The following CHM variants were observed in gnomAD, a reference collection of about 807,000 sequenced individuals.
CHM encodes rab proteins geranylgeranyltransferase component A 1.
A neutral mutation model predicts 49.0 loss-of-function variants in CHM; 10 were observed. The ratio of observed to expected loss-of-function variants is 0.20; its 90% CI spans 0.13 to 0.35. The LOEUF is 0.35. Ranked by LOEUF, CHM falls within the 10% of genes least tolerant of loss-of-function variation. The pLI is 1.00. For synonymous variants in CHM, 184 were observed against 167.5 expected (o/e 1.10, Z -0.76); for missense variants, 455 against 478.4 (o/e 0.95, Z 0.46).
intron 4 of CHM, among the ~76,000 whole-genome samples, chrX:85,966,060 A>ACT (rs916818479): frequency 3.6e-5 from 4 of 111,795 alleles, no homozygotes; most frequent in African/African-American, 1.3e-4. Context: ...AAGATAAGAT[A>ACT]CTAATCAGGC....
chrX:85,953,915 G>T (rs922527435), intron 8 of CHM, among the ~76,000 whole-genome samples: 1 of 111,575 alleles, frequency 9.0e-6, no homozygotes, highest in Non-Finnish European at 1.9e-5. Flanking sequence ...AGCAAAAATG[G>T]ACAAACGGGA....
Position 85,924,591 on chromosome X carries a change from G to A in CHM, c.1167-13253C>T, listed in dbSNP as rs142530720. On this transcript the variant is annotated intron_variant, in intron 8 of 14. Coordinates refer to ENST00000357749, the MANE Select transcript of CHM (RefSeq NM_000390.4). ...CTACTATCTCTTGGCCATTCATCAAGATTACAACTTAATACTCTGGGTACT... is the reference window on the plus strand; with the variant it reads ...CTACTATCTCTTGGCCATTCATCAAAATTACAACTTAATACTCTGGGTACT... Among the ~76,000 whole-genome samples, 564 of 111,846 alleles carry A rather than the reference G, an allele frequency of 5.0e-3. 3 individuals are homozygous for A. Among genetic ancestry groups the A allele is most frequent in the African/African-American group, 0.017 (538 of 30,792 alleles).
At chrX:86,029,186 T>A (rs1933951068) in intron 1 of CHM, among the ~76,000 whole-genome samples, 1 of 112,091 alleles carries the variant, frequency 8.9e-6, no homozygotes, top group Non-Finnish European at 1.9e-5. Flanking sequence ...TAGATATAAT[T>A]CAAGTAAACA....
intron 2 of CHM, among the ~76,000 whole-genome samples, chrX:86,015,994 A>T (rs1933283241): frequency 1.8e-5 from 2 of 110,871 alleles, no homozygotes; most frequent in Non-Finnish European, 3.8e-5. Flanking sequence ...TTGGCCAGGC[A>T]TGGTGGCGGG....
rs184602063 is a variant in CHM, at chrX:85,874,234, G to A, written c.1610-1022C>T. Among the ~76,000 whole-genome samples, 143 of 111,572 alleles carry A rather than the reference G, an allele frequency of 1.3e-3. 1 individual carries two copies. The highest frequency in any genetic ancestry group is 4.5e-3 in the African/African-American group (138 of 30,779). On this transcript the variant is annotated intron_variant, in intron 13 of 14. Transcript: ENST00000357749. ...TTGCTAATTTGATAATCATTTATTT[G>A]CCTCTCTTCTTTAAAACTGTTATAA...
intron 1 of CHM, among the ~76,000 whole-genome samples, chrX:86,036,440 T>A (rs763246987): frequency 9.0e-6 from 1 of 111,527 alleles, no homozygotes; most frequent in South Asian, 3.8e-4. Flanking sequence ...GGACCAAATT[T>A]TATTGTGCAG....
intron 8 of CHM, among the ~76,000 whole-genome samples, chrX:85,925,597 A>G (rs1404221163): frequency 9.0e-6 from 1 of 111,378 alleles, no homozygotes; most frequent in Non-Finnish European, 1.9e-5. Context: ...TCTTTTGCTC[A>G]ATCTCCTTTC....
chrX:85,968,264 G>A, intron 4 of CHM, among the ~76,000 whole-genome samples: 1 of 112,080 alleles, frequency 8.9e-6, no homozygotes, highest in African/African-American at 3.2e-5. Context: ...GCTGCAATAT[G>A]ATACATTGGT....
Position 85,956,277 on chromosome X carries a change from C to G in CHM, c.1042G>C (p.Ala348Pro). 4 of 1,211,517 alleles carry G rather than the reference C, an allele frequency of 3.3e-6. No homozygotes were observed. Among genetic ancestry groups the G allele is most frequent in the Non-Finnish European group, 4.5e-6 (4 of 895,343 alleles). ...TTGAGACCATCTATGGTGCTGCTGG[C>G]TGTCTCTGATGTCATTGCAATTGAA... ...MHSIAMTSET[A>P]SSTIDGLKAT... Residue 348 changes from alanine (A) to proline (P), a missense_variant, in exon 8 of 15, where the codon GCC (alanine) becomes CCC (proline). Ala to Pro is a conservative substitution (Grantham distance 27). Transcript: ENST00000357749.
At position 86,027,576 on chromosome X, in the gene CHM, G is replaced by A. The variant is rs200784239; in HGVS notation, c.50-19C>T. On this transcript the variant is annotated intron_variant, in intron 1 of 14. Coordinates refer to ENST00000357749, the MANE Select transcript of CHM (RefSeq NM_000390.4). ...GGCAAACCTACAAAAACACACACCC[G>A]TATCATTTAGAATGTAGAAATATAT... 188 of 1,162,154 alleles carry A rather than the reference G, an allele frequency of 1.6e-4. No homozygotes were observed. The highest frequency in any genetic ancestry group is 5.7e-4 in the East Asian group (19 of 33,496).
chrX:85,899,734 T>A (rs1281587388), intron 11 of CHM, among the ~76,000 whole-genome samples: 1 of 87,295 alleles, frequency 1.1e-5, no homozygotes, highest in Non-Finnish European at 2.1e-5. Context: ...CCCAAGCATT[T>A]TGGAGAAGGG....
intron 1 of CHM, among the ~76,000 whole-genome samples, chrX:86,032,022 A>C: frequency 8.9e-6 from 1 of 112,416 alleles, no homozygotes; most frequent in East Asian, 2.8e-4. Flanking sequence ...GTTTAAATTA[A>C]TATTTCTAAG....
At chrX:85,995,588 C>G (rs1465897661) in intron 2 of CHM, among the ~76,000 whole-genome samples, 4 of 112,222 alleles carry the variant, frequency 3.6e-5, no homozygotes, top group African/African-American at 1.3e-4. Flanking sequence ...GGTTCTTTCC[C>G]TTAATACGCA....
chrX:85,862,487 G>A lies in CHM; in HGVS notation c.*2143C>T, dbSNP rs1467980436. 1 of 112,344 alleles carries A rather than the reference G, an allele frequency of 8.9e-6. No homozygotes were observed. Among genetic ancestry groups the A allele is most frequent in the Non-Finnish European group, 1.9e-5 (1 of 53,229 alleles). 9.3% of individuals were successfully genotyped at this position (112,344 alleles called of 1,213,427 possible). On this transcript the variant is annotated 3_prime_UTR_variant, in exon 15 of 15. Transcript: ENST00000357749. ...TTAATAAGTATGTATTAGACATTGA[G>A]TGCATATGCCCCAGCTGGGTTTCAG...
chrX:86,021,105 C>CGTATATATATGT (rs1933552149), intron 2 of CHM, among the ~76,000 whole-genome samples: 2 of 54,732 alleles, frequency 3.7e-5, no homozygotes, highest in Admixed American at 4.5e-4. Context: ...CATATATATA[C>CGTATATATATGT]GTATATATAT....
intron 8 of CHM, among the ~76,000 whole-genome samples, chrX:85,922,071 G>T (rs1162369691): frequency 8.9e-6 from 1 of 111,814 alleles, no homozygotes; most frequent in African/African-American, 3.3e-5. Flanking sequence ...TTTTACACAG[G>T]ATGGTCTTAG....
intron 1 of CHM, among the ~76,000 whole-genome samples, chrX:86,039,568 G>C (rs1173251087): frequency 9.6e-6 from 1 of 104,270 alleles, no homozygotes; most frequent in Non-Finnish European, 1.9e-5. Context: ...GTAGAAGTTA[G>C]TGAGTGACAG....
intron 9 of CHM, among the ~76,000 whole-genome samples, chrX:85,902,023 T>G (rs1926320176): frequency 8.9e-6 from 1 of 111,897 alleles, no homozygotes; most frequent in Non-Finnish European, 1.9e-5. Flanking sequence ...ATCCTTGAAA[T>G]GGACTTACCA....
Position 85,963,941 on chromosome X carries a change from C to A in CHM, c.426G>T (p.Glu142Asp). The change falls in exon 5 of 15, where the codon GAG becomes GAT. Residue 142 changes from glutamate (E) to aspartate (D), a missense_variant. Physicochemically the swap from Glu to Asp is conservative, Grantham distance 45 (BLOSUM62 2). Coordinates refer to ENST00000357749, the MANE Select transcript of CHM (RefSeq NM_000390.4). Reference sequence around the variant, plus strand: ...AGCTCATAGTGCTTAATGACTCATCCTCCGTAGGCAGGAAGGCAGAATCTG... The same window carrying A: ...AGCTCATAGTGCTTAATGACTCATCATCCGTAGGCAGGAAGGCAGAATCTG... ...EAADSAFLPT[E>D]DESLSTMSCE... The A allele has an allele frequency of 8.3e-7, 1 of 1,211,041 alleles. No individual in the cohort carries two copies. Among genetic ancestry groups the A allele is most frequent in the East Asian group, 3.0e-5 (1 of 33,818 alleles).
Sources: allele counts gnomAD v4.1 joint callset (sites outside exome capture counted in the v4.1 genomes callset), GRCh38; gene constraint gnomAD v4.1.1; transcripts MANE v1.5; gene names NCBI Gene and HGNC (gene_info 2026-07-23, HGNC 2026-07-21).